The following PTK2 variants were observed in gnomAD, a reference collection of about 807,000 sequenced individuals.
The protein encoded by PTK2 is protein tyrosine kinase 2, also known as focal adhesion kinase 1.
A neutral mutation model predicts 150.1 loss-of-function variants in PTK2; 45 were observed. The observed-to-expected ratio is 0.30, with a 90% CI of 0.24 to 0.38. PTK2 has a LOEUF of 0.38. Among genes scored for constraint, PTK2 ranks in the 10% least tolerant of loss-of-function variants. The pLI, the probability that PTK2 is intolerant of heterozygous loss-of-function variation, is 1.00. For synonymous variants in PTK2, 432 were observed against 449.2 expected, an observed-to-expected ratio of 0.96 and a Z score of 0.48; for missense variants, 919 against 1,307.3, an observed-to-expected ratio of 0.70 and a Z score of 4.58.
chr8:140,776,841 G>A (rs1164993273), intron 14 of PTK2, among the ~76,000 whole-genome samples: 1 of 152,154 alleles, frequency 6.6e-6, no homozygotes, highest in Non-Finnish European at 1.5e-5. Flanking sequence ...ATCCCCAAGG[G>A]TGTGACTGTG....
At chr8:140,661,155 G>A (rs2079207418) in intron 31 of PTK2, among the ~76,000 whole-genome samples, 1 of 152,220 alleles carries the variant, frequency 6.6e-6, no homozygotes, top group African/African-American at 2.4e-5. Context: ...GCCACACCTA[G>A]TTGATCTTTA....
At chr8:140,707,633 G>C (rs1323254447) in intron 23 of PTK2, among the ~76,000 whole-genome samples, 1 of 152,142 alleles carries the variant, frequency 6.6e-6, no homozygotes, top group Non-Finnish European at 1.5e-5. Flanking sequence ...TTGAACTCCT[G>C]GTCTTAAGTG....
chr8:140,890,036 T>C (rs1301372010), intron 3 of PTK2, among the ~76,000 whole-genome samples: 1 of 152,208 alleles, frequency 6.6e-6, no homozygotes, highest in African/African-American at 2.4e-5. Context: ...ATGATGTCTC[T>C]CCCTCTACAG....
At chr8:140,675,594 T>A in intron 27 of PTK2, 95 bp from the exon 31 acceptor site, 1 of 914,388 alleles carries the variant, frequency 1.1e-6, no homozygotes, top group Non-Finnish European at 1.8e-6. Context: ...CTTGAACTTC[T>A]AGGCTAGATT....
At chr8:140,758,024 T>C (rs1185556361) in intron 16 of PTK2, among the ~76,000 whole-genome samples, 3 of 152,288 alleles carry the variant, frequency 2.0e-5, no homozygotes, top group Middle Eastern at 3.4e-3. Flanking sequence ...GTTTTGTGTA[T>C]TTACTATACT....
At chr8:140,814,798 G>A (rs565978454) in intron 10 of PTK2, among the ~76,000 whole-genome samples, 84 of 147,858 alleles carry the variant, frequency 5.7e-4, no homozygotes, top group African/African-American at 1.9e-3. Flanking sequence ...TTTTTGAGAC[G>A]GAGTCTCGCT....
intron 2 of PTK2, among the ~76,000 whole-genome samples, chr8:140,894,794 G>T (rs981587658): frequency 9.2e-5 from 14 of 152,230 alleles, no homozygotes; most frequent in African/African-American, 3.4e-4. Flanking sequence ...TACAGGAATG[G>T]AGGATGTGGT....
At chr8:140,707,915 C>T (rs1429442738) in intron 23 of PTK2, among the ~76,000 whole-genome samples, 5 of 152,102 alleles carry the variant, frequency 3.3e-5, no homozygotes, top group Non-Finnish European at 7.4e-5. Context: ...GATCAAGTGA[C>T]GAAACTGACT....
chr8:140,902,930 T>TGTTTTTTTG (rs1464479188), intron 2 of PTK2, among the ~76,000 whole-genome samples: 5 of 89,428 alleles, frequency 5.6e-5, no homozygotes, highest in Admixed American at 2.9e-4. Context: ...AGTTGTTTTT[T>TGTTTTTTTG]TTTTTTTTTT....
At chr8:140,682,879 A>T (rs1394030201) in intron 27 of PTK2, among the ~76,000 whole-genome samples, 1 of 152,168 alleles carries the variant, frequency 6.6e-6, no homozygotes, top group Non-Finnish European at 1.5e-5. Flanking sequence ...TTATAGTGCT[A>T]AACATCTACA....
intron 23 of PTK2, among the ~76,000 whole-genome samples, chr8:140,714,559 G>C (rs1196520022): frequency 6.6e-6 from 1 of 151,634 alleles, no homozygotes; most frequent in African/African-American, 2.4e-5. Flanking sequence ...CACTTTGGGA[G>C]GCTGAGGCGG....
rs574777645 is a variant in PTK2, at chr8:140,831,346, T to A, written c.594-820A>T. The stretch of plus-strand genomic sequence containing the variant: ...ACATTAAGGAACGTCAGGAAACACA[T>A]AAAAGGATCAAGGAGAAAAGGGAAA... On this transcript the variant is annotated intron_variant, in intron 7 of 31. Transcript: ENST00000522684. Among the ~76,000 whole-genome samples the A allele has an allele frequency of 2.0e-3, 306 of 152,092 alleles. 1 individual carries two copies. The highest frequency in any genetic ancestry group is 3.4e-3 in the Non-Finnish European group (232 of 68,000).
chr8:140,828,114 C>T (rs1333962318), intron 8 of PTK2, among the ~76,000 whole-genome samples: 7 of 149,242 alleles, frequency 4.7e-5, no homozygotes, highest in African/African-American at 1.5e-4. Flanking sequence ...TGCAGCGAGT[C>T]GAGATCACGC....
At chr8:140,760,976 G>A (rs538166916) in intron 16 of PTK2, among the ~76,000 whole-genome samples, 189 bp downstream of exon 19, 11 of 152,294 alleles carry the variant, frequency 7.2e-5, no homozygotes, top group Non-Finnish European at 1.2e-4. Flanking sequence ...AGCCTTGTAG[G>A]AGCTAATGTT....
intron 1 of PTK2, among the ~76,000 whole-genome samples, chr8:140,966,475 G>T (rs1179137068): frequency 2.6e-5 from 4 of 151,842 alleles, no homozygotes; most frequent in Non-Finnish European, 5.9e-5. Context: ...TCCTGTTTTA[G>T]CAACAGGCAA....
At chr8:140,931,071 A>G (rs1320956798) in intron 1 of PTK2, among the ~76,000 whole-genome samples, 1 of 23,340 alleles carries the variant, frequency 4.3e-5, no homozygotes, top group African/African-American at 7.4e-5. Flanking sequence ...ACTCTGTCTC[A>G]AAAAAAAAAA....
intron 4 of PTK2, among the ~76,000 whole-genome samples, chr8:140,875,590 A>G (rs1258799324): frequency 2.0e-5 from 3 of 152,200 alleles, no homozygotes; most frequent in Non-Finnish European, 4.4e-5. Flanking sequence ...TGATTTATAA[A>G]TATAATTGGA....
intron 24 of PTK2, 125 bp from the exon 28 acceptor site, chr8:140,702,832 T>TACCC: frequency 1.9e-6 from 2 of 1,079,554 alleles, no homozygotes; most frequent in Non-Finnish European, 2.6e-6. Context: ...CCCCCAAAGA[T>TACCC]ACCCATGTTC....
intron 1 of PTK2, among the ~76,000 whole-genome samples, chr8:140,936,576 A>AG (rs2100173714): frequency 6.6e-6 from 1 of 152,176 alleles, no homozygotes; most frequent in African/African-American, 2.4e-5. Context: ...TAAAAAAAAA[A>AG]AAGATCAGAT....
Sources: gnomAD v4.1 joint callset for allele counts (sites outside exome capture counted in the v4.1 genomes callset) on GRCh38, gnomAD v4.1.1 for gene constraint, MANE v1.5 for transcripts, NCBI Gene and HGNC (gene_info 2026-07-23, HGNC 2026-07-21) for gene names.